The following FOXP1 variants were observed in gnomAD, a reference collection of about 807,000 sequenced individuals.
The protein encoded by FOXP1 is forkhead box protein P1.
FOXP1 carries 15 observed loss-of-function variants against 98.2 expected under a neutral mutation model. That is an observed-to-expected ratio of 0.15 (90% confidence interval 0.10 to 0.24). FOXP1 has a LOEUF of 0.24. Among genes scored for constraint, FOXP1 ranks in the 10% least tolerant of loss-of-function variants. The probability of loss-of-function intolerance (pLI) is 1.00; values close to 1 mark genes in which losing one functional copy is unlikely to be tolerated. For missense variants in FOXP1, 633 were observed against 848.5 expected (o/e 0.75, Z 3.15); for synonymous variants, 371 against 314.5 (o/e 1.18, Z -1.90).
At chr3:71,519,617 C>T (rs529219653) in intron 2 of FOXP1, among the ~76,000 whole-genome samples, 33 of 152,300 alleles carry the variant, frequency 2.2e-4, no homozygotes, top group South Asian at 8.3e-4. Context: ...TTATATTTAC[C>T]TAAGTTGGGG....
chr3:71,009,104 C>G (rs1050894363), intron 12 of FOXP1, among the ~76,000 whole-genome samples: 1 of 128,258 alleles, frequency 7.8e-6, no homozygotes, highest in Admixed American at 1.1e-4. Context: ...GTGGAAGAAC[C>G]CAAGATCAAG....
chr3:71,581,078 G>C, intron 2 of FOXP1: 1 of 965,250 alleles, frequency 1.0e-6, no homozygotes, highest in Non-Finnish European at 1.2e-6. Context: ...TGGGGAGGTA[G>C]GGAAGAGGAA....
chr3:71,547,556 G>C (rs1042494358), intron 2 of FOXP1, among the ~76,000 whole-genome samples: 1 of 152,198 alleles, frequency 6.6e-6, no homozygotes, highest in Non-Finnish European at 1.5e-5. Flanking sequence ...GGGCCACTCA[G>C]AGCCACACTT....
intron 3 of FOXP1, among the ~76,000 whole-genome samples, chr3:71,390,640 C>A (rs1209054790): frequency 1.3e-5 from 2 of 152,070 alleles, no homozygotes; most frequent in African/African-American, 4.8e-5. Context: ...ATCCAAGTCT[C>A]CAAAAAGCGA....
At chr3:70,966,748 G>A (rs1319429511) in intron 19 of FOXP1, among the ~76,000 whole-genome samples, 1 of 152,210 alleles carries the variant, frequency 6.6e-6, no homozygotes, top group East Asian at 1.9e-4. Flanking sequence ...TTTATTTTTG[G>A]TGCCAAAGTA....
intron 5 of FOXP1, among the ~76,000 whole-genome samples, chr3:71,263,957 C>T (rs531386712): frequency 2.0e-5 from 3 of 151,778 alleles, no homozygotes; most frequent in Non-Finnish European, 4.4e-5. Flanking sequence ...CACTTTCCTG[C>T]CCAGGCTGGT....
At chr3:71,012,628 C>T (rs1011175020) in intron 12 of FOXP1, among the ~76,000 whole-genome samples, 1 of 152,138 alleles carries the variant, frequency 6.6e-6, no homozygotes, top group Non-Finnish European at 1.5e-5. Context: ...TTCACCAAAA[C>T]TGCTTGCAGG....
In FOXP1 at chr3:70,956,750, T is replaced by G; in HGVS notation, c.*2497A>C. 5.5e-6 allele frequency: 1 copy of G among 182,572 alleles called. No individual in the cohort carries two copies. Among genetic ancestry groups the G allele is most frequent in the Non-Finnish European group, 1.0e-5 (1 of 95,912 alleles). The allele number at this position is 182,572 out of a possible 1,614,324, so 11.3% of individuals were successfully genotyped here. ...TGGAAAAGTTTTTTTTTTTTTTTTT[T>G]TTTTTTTTTTTTTTTTTTTTTTTAA... On this transcript the variant is annotated 3_prime_UTR_variant, in exon 21 of 21. Transcript: ENST00000649528.
At chr3:71,372,297 C>T (rs773397506) in intron 3 of FOXP1, among the ~76,000 whole-genome samples, 4 of 151,850 alleles carry the variant, frequency 2.6e-5, no homozygotes, top group Non-Finnish European at 5.9e-5. Flanking sequence ...GCTGAGATTA[C>T]AGGCGTGAGC....
chr3:71,239,793 A>G (rs2067097820), intron 5 of FOXP1, among the ~76,000 whole-genome samples: 1 of 152,212 alleles, frequency 6.6e-6, no homozygotes, highest in Admixed American at 6.5e-5. Flanking sequence ...GCTTAACTCA[A>G]ACACAACTGG....
chr3:71,088,205 C>A (rs1352633838), intron 7 of FOXP1, among the ~76,000 whole-genome samples: 1 of 152,200 alleles, frequency 6.6e-6, no homozygotes, highest in Admixed American at 6.5e-5. Flanking sequence ...CTGAAACTTT[C>A]TTCCCTAGAT....
intron 3 of FOXP1, among the ~76,000 whole-genome samples, chr3:71,384,643 G>C (rs2080432190): frequency 6.6e-6 from 1 of 152,202 alleles, no homozygotes; most frequent in African/African-American, 2.4e-5. Flanking sequence ...ACACTGGTAT[G>C]AGGACCTGCA....
intron 6 of FOXP1, among the ~76,000 whole-genome samples, chr3:71,129,646 G>C (rs544110374): frequency 6.6e-6 from 1 of 152,152 alleles, no homozygotes; most frequent in South Asian, 2.1e-4. Flanking sequence ...GTCAGGGAAG[G>C]GGGGTGTGGA....
intron 12 of FOXP1, among the ~76,000 whole-genome samples, chr3:71,006,152 C>T (rs981006095): frequency 1.3e-5 from 2 of 152,024 alleles, no homozygotes; most frequent in African/African-American, 2.4e-5. Flanking sequence ...CTCTTGGCTC[C>T]GTACAGGTTT....
chr3:71,018,473 C>T (rs887463674), intron 11 of FOXP1, among the ~76,000 whole-genome samples: 9 of 152,082 alleles, frequency 5.9e-5, no homozygotes, highest in Admixed American at 4.6e-4. Flanking sequence ...CAGTGGTTCC[C>T]GAAGGAAGTG....
intron 2 of FOXP1, among the ~76,000 whole-genome samples, chr3:71,568,556 T>A (rs2047093624): frequency 6.6e-6 from 1 of 152,160 alleles, no homozygotes; most frequent in African/African-American, 2.4e-5. Context: ...AAATACTTAC[T>A]ACTTTTTAAA....
At chr3:71,301,788 A>T (rs1204806640) in intron 4 of FOXP1, among the ~76,000 whole-genome samples, 7 of 152,212 alleles carry the variant, frequency 4.6e-5, no homozygotes, top group Non-Finnish European at 2.9e-5. Flanking sequence ...AACCTGCGGA[A>T]CACTTTCAGG....
intron 2 of FOXP1, among the ~76,000 whole-genome samples, chr3:71,533,146 C>T (rs1053002800): frequency 6.6e-6 from 1 of 152,318 alleles, no homozygotes; most frequent in South Asian, 2.1e-4. Context: ...AAAAATACCA[C>T]ATAACTCCAA....
At chr3:71,093,219 A>T (rs1169474177) in intron 7 of FOXP1, among the ~76,000 whole-genome samples, 1 of 151,254 alleles carries the variant, frequency 6.6e-6, no homozygotes, top group African/African-American at 2.4e-5. Context: ...GCACTAGTGC[A>T]CTCAGCCTGG....
Sources: allele counts gnomAD v4.1 joint callset (sites outside exome capture counted in the v4.1 genomes callset), GRCh38; gene constraint gnomAD v4.1.1; transcripts MANE v1.5; gene names NCBI Gene and HGNC (gene_info 2026-07-23, HGNC 2026-07-21).